The following NUDT5 variants were observed in gnomAD, a reference collection of about 807,000 sequenced individuals.
NUDT5 encodes the protein nudix hydrolase 5.
In NUDT5, 21 loss-of-function variants were observed where a neutral mutation model predicts 34.1. The ratio of observed to expected loss-of-function variants is 0.62; its 90% CI spans 0.44 to 0.89. The LOEUF is 0.89. Among genes scored for constraint, NUDT5 ranks in the 40% least tolerant of loss-of-function variants. The pLI, the probability that NUDT5 is intolerant of heterozygous loss-of-function variation, is 0.00. For missense variants in NUDT5, 249 were observed against 274.8 expected (o/e 0.91, Z 0.66); for synonymous variants, 85 against 97.6 (o/e 0.87, Z 0.76).
chr10:12,192,860 A>G (rs1835256715), intron 1 of NUDT5, among the ~76,000 whole-genome samples: 2 of 152,194 alleles, frequency 1.3e-5, no homozygotes, highest in South Asian at 4.1e-4. Context: ...CAAAAGAAAA[A>G]AAAAGGATAA....
Position 12,177,911 on chromosome 10 carries a change from G to A in NUDT5, c.182-11C>T. On this transcript the variant is annotated splice_polypyrimidine_tract_variant and intron_variant, in intron 4 of 9. Coordinates refer to ENST00000491614, the MANE Select transcript of NUDT5 (RefSeq NM_014142.4). Reference sequence around the variant, plus strand: ...GGATGACCGCGACACCTGTCACCAGGAAATGGAACCAAGGAAATCCCTAAT... The same window carrying A: ...GGATGACCGCGACACCTGTCACCAGAAAATGGAACCAAGGAAATCCCTAAT... 2.5e-6 allele frequency: 4 copies of A among 1,605,854 alleles called. No individual in the cohort carries two copies. The highest frequency in any genetic ancestry group is 3.4e-6 in the Non-Finnish European group (4 of 1,172,706).
At chr10:12,193,289 G>C (rs77998423) in intron 1 of NUDT5, among the ~76,000 whole-genome samples, 1 of 152,296 alleles carries the variant, frequency 6.6e-6, no homozygotes, top group East Asian at 1.9e-4. Context: ...GCTCAAATCT[G>C]TACACGCTTG....
chr10:12,193,661 G>A (rs1288104462), intron 1 of NUDT5, among the ~76,000 whole-genome samples: 2 of 152,076 alleles, frequency 1.3e-5, no homozygotes, highest in African/African-American at 4.8e-5. Context: ...ATTTGATGCT[G>A]GTTAAATGTG....
rs144216426 is a variant in NUDT5 at position 12,173,364 on chromosome 10, C to T, written c.385+354G>A. Among the ~76,000 whole-genome samples the T allele has an allele frequency of 4.4e-3, 666 of 152,168 alleles. 1 individual carries two copies. Among genetic ancestry groups the T allele is most frequent in the Middle Eastern group, 0.01 (3 of 294 alleles). On this transcript the variant is annotated intron_variant, in intron 6 of 9. Coordinates refer to ENST00000491614, the MANE Select transcript of NUDT5 (RefSeq NM_014142.4). The surrounding 1 kb of genome is among the most constrained non-coding windows in gnomAD (Gnocchi z 4.7). ...GCTGGGATCACAGGTGTGCGCCACC[C>T]GGCTAATTTTTGTATTTTTAGTAGA...
intron 9 of NUDT5, 163 bp from the exon 10 acceptor site, chr10:12,167,974 C>CTATAAAG: frequency 1.5e-6 from 2 of 1,297,726 alleles, no homozygotes; most frequent in Non-Finnish European, 2.0e-6. Flanking sequence ...AGAATAAAGA[C>CTATAAAG]TATAAAGGCA....
rs897367114 is a variant in NUDT5, at chr10:12,173,958, T to C, written c.290-145A>G. On this transcript the variant is annotated intron_variant, in intron 5 of 9. Transcript: ENST00000491614. The surrounding 1 kb of genome is among the most constrained non-coding windows in gnomAD (Gnocchi z 4.7). The stretch of plus-strand genomic sequence containing the variant: ...CTCGGCCCACTGCAACCTCCGCCCG[T>C]CCAGGTTTAAGCAATTCTCTGCTTC... 1.7e-5 allele frequency: 11 copies of C among 634,200 alleles called. No individual in the cohort carries two copies. Among genetic ancestry groups the C allele is most frequent in the Non-Finnish European group, 2.8e-5 (10 of 352,170 alleles). The allele number at this position is 634,200 out of a possible 1,614,324, so 39.3% of individuals were successfully genotyped here. A position where few individuals can be genotyped will look rare whatever the true frequency, so the allele number is the denominator to read the frequency against.
At chr10:12,177,572 A>T (rs971614816) in intron 5 of NUDT5, among the ~76,000 whole-genome samples, 1 of 152,174 alleles carries the variant, frequency 6.6e-6, no homozygotes, top group African/African-American at 2.4e-5. Context: ...TGCCAAGAGG[A>T]GGTTGGGATG....
chr10:12,192,130 T>G (rs915810137), intron 1 of NUDT5, among the ~76,000 whole-genome samples: 1 of 151,546 alleles, frequency 6.6e-6, no homozygotes, highest in African/African-American at 2.4e-5. Flanking sequence ...CAAAAGAGGG[T>G]CAGGCACTTG....
chr10:12,173,529 T>TC lies in NUDT5; in HGVS notation c.385+188dup, dbSNP rs1834896238. Reference sequence around the variant, plus strand: ...AAAGGCAATTTAATTTCATTAATTCTCCCCCAACTTCAGGCCCTTCTGGCT... The same window carrying TC: ...AAAGGCAATTTAATTTCATTAATTCTCCCCCCAACTTCAGGCCCTTCTGGCT... On this transcript the variant is annotated intron_variant, in intron 6 of 9. Transcript: ENST00000491614. This position sits in a 1 kb window ranked among gnomAD's most constrained non-coding sequence, Gnocchi z 4.7. 6.6e-6 allele frequency among the ~76,000 whole-genome samples: 1 copy of TC among 152,190 alleles called. No homozygotes were observed. Among genetic ancestry groups the TC allele is most frequent in the Non-Finnish European group, 1.5e-5 (1 of 68,020 alleles).
chr10:12,187,319 G>C lies in NUDT5; in HGVS notation c.-41-987C>G, dbSNP rs1458402822. On this transcript the variant is annotated intron_variant, in intron 1 of 9. Transcript: ENST00000491614. The surrounding 1 kb of genome is among the most constrained non-coding windows in gnomAD (Gnocchi z 5.4). The stretch of plus-strand genomic sequence containing the variant: ...CCCAAAGTGCTGGGATTACAGGCAT[G>C]AGCCACTGGACCCACCTCCCCACTT... Among the ~76,000 whole-genome samples the C allele has an allele frequency of 6.6e-6, 1 of 152,184 alleles. No homozygotes were observed. The highest frequency in any genetic ancestry group is 2.4e-5 in the African/African-American group (1 of 41,432).
chr10:12,178,645 GGGT>G (rs1159380877), intron 4 of NUDT5, among the ~76,000 whole-genome samples: 1 of 152,222 alleles, frequency 6.6e-6, no homozygotes, highest in African/African-American at 2.4e-5. Flanking sequence ...CTGGAGGGGA[GGGT>G]GAATGGAATA....
Position 12,170,028 on chromosome 10 carries a change from C to A in NUDT5, c.550+689G>T. The A allele has an allele frequency of 3.0e-6, 4 of 1,344,834 alleles. No individual in the cohort carries two copies. The highest frequency in any genetic ancestry group is 1.2e-5 in the South Asian group (1 of 82,358). 83.3% of individuals were successfully genotyped at this position (1,344,834 alleles called of 1,614,324 possible). A position where few individuals can be genotyped will look rare whatever the true frequency, so the allele number is the denominator to read the frequency against. ...CCATACAGAGGTGCTCCTTGAAGGG[C>A]CCATGGTATGTCTCCATACAGTATC... On this transcript the variant is annotated intron_variant, in intron 9 of 9. Coordinates refer to ENST00000491614, the MANE Select transcript of NUDT5 (RefSeq NM_014142.4). This position sits in a 1 kb window ranked among gnomAD's most constrained non-coding sequence, Gnocchi z 4.9.
At position 12,169,458 on chromosome 10, in the gene NUDT5, G is replaced by A. The variant is rs1588653312; in HGVS notation, c.550+1259C>T. 4.7e-6 allele frequency: 3 copies of A among 643,236 alleles called. No homozygotes were observed. Among genetic ancestry groups the A allele is most frequent in the Non-Finnish European group, 7.9e-6 (3 of 381,074 alleles). 39.8% of individuals were successfully genotyped at this position (643,236 alleles called of 1,614,324 possible). On this transcript the variant is annotated intron_variant, in intron 9 of 9. Coordinates refer to ENST00000491614, the MANE Select transcript of NUDT5 (RefSeq NM_014142.4). This position sits in a 1 kb window ranked among gnomAD's most constrained non-coding sequence, Gnocchi z 4.8. ...AGAGAGGCTACAGAACCTGTTTGAT[G>A]TGATAGCTAATTATGGTCCGCGGAG...
rs1835288787 is a variant in NUDT5, at chr10:12,194,199, T to TTAAA, written c.-42+1567_-42+1570dup. Among the ~76,000 whole-genome samples the TTAAA allele has an allele frequency of 2.6e-5, 4 of 152,380 alleles. No homozygotes were observed. The South Asian group carries it at 8.3e-4, about 32-fold the overall frequency. On this transcript the variant is annotated intron_variant, in intron 1 of 9. Coordinates refer to ENST00000491614, the MANE Select transcript of NUDT5 (RefSeq NM_014142.4). ...CTATGCTCAAATGTTTCTTGGGCTG[T>TTAAA]TAAAGTACTGCTCCTCGCAGAAGGG...
chr10:12,166,807 T>C lies in NUDT5; in HGVS notation c.*895A>G. 1 of 470,894 alleles carries C rather than the reference T, an allele frequency of 2.1e-6. No homozygotes were observed. The highest frequency in any genetic ancestry group is 4.4e-6 in the Non-Finnish European group (1 of 228,260). The allele number at this position is 470,894 out of a possible 1,614,324, so 29.2% of individuals were successfully genotyped here. On this transcript the variant is annotated 3_prime_UTR_variant, in exon 10 of 10. Coordinates refer to ENST00000491614, the MANE Select transcript of NUDT5 (RefSeq NM_014142.4). ...AGCTAAGAAAATGGCCCAGGAACAC[T>C]GGTAGAACTGCTAGATGACAGGGTT... is the stretch of plus-strand genomic sequence containing the variant.
At chr10:12,192,370 T>C (rs1415458922) in intron 1 of NUDT5, among the ~76,000 whole-genome samples, 2 of 151,888 alleles carry the variant, frequency 1.3e-5, no homozygotes, top group South Asian at 2.1e-4. Context: ...TTTGCAGTAA[T>C]AACTTACTTT....
intron 3 of NUDT5, among the ~76,000 whole-genome samples, chr10:12,179,587 A>C (rs1469348563): frequency 2.6e-5 from 4 of 152,264 alleles, no homozygotes; most frequent in Admixed American, 2.6e-4. Flanking sequence ...TTTTTAAAAT[A>C]TGTGACCTAA....
At position 12,169,058 on chromosome 10, in the gene NUDT5, C is replaced by T. The variant is rs935566251; in HGVS notation, c.551-1247G>A. Among the ~76,000 whole-genome samples, 2 of 152,152 alleles carry T rather than the reference C, an allele frequency of 1.3e-5. No homozygotes were observed. The highest frequency in any genetic ancestry group is 2.9e-5 in the Non-Finnish European group (2 of 68,038). On this transcript the variant is annotated intron_variant, in intron 9 of 9. Transcript: ENST00000491614. The surrounding 1 kb of genome is among the most constrained non-coding windows in gnomAD (Gnocchi z 4.8). ...GATTACAGGCGTGAGCCACCGCACC[C>T]GGCCAGCAAACTGATCTTAAAATGT...
chr10:12,168,181 C>A lies in NUDT5; in HGVS notation c.551-370G>T, dbSNP rs1290508217. On this transcript the variant is annotated intron_variant, in intron 9 of 9. Coordinates refer to ENST00000491614, the MANE Select transcript of NUDT5 (RefSeq NM_014142.4). The surrounding 1 kb of genome is among the most constrained non-coding windows in gnomAD (Gnocchi z 4.8). ...CTGGGACTATAGGCGCACGCCACCA[C>A]GCCCAGCTAATTTTTGTATTTTTAG... is the stretch of plus-strand genomic sequence containing the variant. Among the ~76,000 whole-genome samples, 1 of 152,040 alleles carries A rather than the reference C, an allele frequency of 6.6e-6. No individual in the cohort carries two copies. The highest frequency in any genetic ancestry group is 1.5e-5 in the Non-Finnish European group (1 of 67,994).
Sources: allele counts gnomAD v4.1 joint callset (sites outside exome capture counted in the v4.1 genomes callset), GRCh38; gene constraint gnomAD v4.1.1; non-coding constraint Gnocchi (gnomAD v3.1); transcripts MANE v1.5; gene names NCBI Gene and HGNC (gene_info 2026-07-23, HGNC 2026-07-21).